Variants in TMEM8B observed in about 807,000 individuals in gnomAD.
The protein encoded by TMEM8B is nasopharyngeal carcinoma expressed 6.
TMEM8B carries 29 observed loss-of-function variants against 49.3 expected under a neutral mutation model. The ratio of observed to expected loss-of-function variants is 0.59; its 90% CI spans 0.44 to 0.80. The LOEUF (loss-of-function observed/expected upper bound fraction) is 0.80, where lower values mean the gene tolerates loss of function less well. TMEM8B is among the 30% of genes least tolerant of loss of function. TMEM8B has a pLI of 0.00. For missense variants in TMEM8B, 575 were observed against 658.5 expected (o/e 0.87, Z 1.39); for synonymous variants, 264 against 272.8 (o/e 0.97, Z 0.32).
At chr9:35,847,884 G>A (rs1043445939) in intron 10 of TMEM8B, among the ~76,000 whole-genome samples, 2 of 152,164 alleles carry the variant, frequency 1.3e-5, no homozygotes, top group Non-Finnish European at 2.9e-5. Context: ...TAACCCCCAA[G>A]TAGACTTTTT....
At chr9:35,852,174 C>A (rs1832197971) in intron 10 of TMEM8B, among the ~76,000 whole-genome samples, 1 of 152,184 alleles carries the variant, frequency 6.6e-6, no homozygotes, top group Non-Finnish European at 1.5e-5. Context: ...TTTGAACCTC[C>A]TCAATAGTCC....
intron 10 of TMEM8B, among the ~76,000 whole-genome samples, chr9:35,849,831 G>T (rs1488202287): frequency 6.6e-6 from 1 of 152,214 alleles, no homozygotes; most frequent in Non-Finnish European, 1.5e-5. Context: ...TCAGGACAAA[G>T]ATATCAAACA....
chr9:35,839,592 G>GC, intron 3 of TMEM8B, among the ~76,000 whole-genome samples: 1 of 152,298 alleles, frequency 6.6e-6, no homozygotes, highest in African/African-American at 2.4e-5. Context: ...TGAATCAAAC[G>GC]CAAGTAAAAC....
intron 10 of TMEM8B, among the ~76,000 whole-genome samples, chr9:35,849,666 C>G (rs1446478707): frequency 1.3e-5 from 2 of 152,284 alleles, no homozygotes; most frequent in Admixed American, 1.3e-4. Flanking sequence ...AGTGAGCATG[C>G]ATTGATATGC....
chr9:35,846,080 A>T lies in TMEM8B; in HGVS notation c.1729+12A>T. The T allele has an allele frequency of 6.2e-7, 1 of 1,611,868 alleles. No homozygotes were observed. The highest frequency in any genetic ancestry group is 8.5e-7 in the Non-Finnish European group (1 of 1,179,496). On this transcript the variant is annotated intron_variant, in intron 7 of 12. Coordinates refer to ENST00000643932, the MANE Select transcript of TMEM8B (RefSeq NM_001042590.4). ...GACCTGTTCCAAAGGTGAGGTGAGG[A>T]ATGGGGGAGGAGAGGAAGCTGCAGT...
Position 35,842,737 on chromosome 9 carries a change from G to A in TMEM8B, c.1635+20G>A, listed in dbSNP as rs974958313. On this transcript the variant is annotated intron_variant, in intron 6 of 12. Transcript: ENST00000643932. This position sits in a 1 kb window ranked among gnomAD's most constrained non-coding sequence, Gnocchi z 5.6. Reference sequence around the variant, plus strand: ...AATGCGGTACTCTTTATGGAGAGTGGGGAGGTTGCTCTGCCAGGGAGCTTG... The same window carrying A: ...AATGCGGTACTCTTTATGGAGAGTGAGGAGGTTGCTCTGCCAGGGAGCTTG... 1.3e-5 allele frequency: 21 copies of A among 1,589,434 alleles called. No homozygotes were observed. In the East Asian group the frequency reaches 4.5e-4, roughly 34 times the overall value.
In TMEM8B at chr9:35,863,798, GC is replaced by G. The variant is rs1220548108; in HGVS notation, c.*9961del. On this transcript the variant is annotated 3_prime_UTR_variant, in exon 13 of 13. Coordinates refer to ENST00000643932, the MANE Select transcript of TMEM8B (RefSeq NM_001042590.4). ...TGTCATATCTGCACACAGCCCACTG[GC>G]CCTGCGGCATCCTACCACCTGCCCA... 2 of 152,284 alleles carry G rather than the reference GC, an allele frequency of 1.3e-5. No individual in the cohort carries two copies. Among genetic ancestry groups the G allele is most frequent in the Non-Finnish European group, 2.9e-5 (2 of 68,106 alleles). The allele number at this position is 152,284 out of a possible 1,614,324, so 9.4% of individuals were successfully genotyped here.
rs180725995 is a variant in TMEM8B at position 35,841,101 on chromosome 9, C to T, written c.907-33C>T. On this transcript the variant is annotated intron_variant, in intron 3 of 12. Coordinates refer to ENST00000643932, the MANE Select transcript of TMEM8B (RefSeq NM_001042590.4). This position sits in a 1 kb window ranked among gnomAD's most constrained non-coding sequence, Gnocchi z 5.9. Reference sequence around the variant, plus strand: ...TGGTTTAGTCACACCCCTGCTGTCTCTCCCTCTCCTGCCACCCCTGCTTTT... The same window carrying T: ...TGGTTTAGTCACACCCCTGCTGTCTTTCCCTCTCCTGCCACCCCTGCTTTT... 4.8e-6 allele frequency: 2 copies of T among 415,510 alleles called. No homozygotes were observed. Among genetic ancestry groups the T allele is most frequent in the East Asian group, 7.1e-5 (2 of 28,080 alleles). 25.7% of individuals were successfully genotyped at this position (415,510 alleles called of 1,614,324 possible). A position where few individuals can be genotyped will look rare whatever the true frequency, so the allele number is the denominator to read the frequency against.
In TMEM8B at chr9:35,829,395, A is replaced by AGCTCTGCGAGCGCCCCGCGCTGGCCT; in HGVS notation, c.-51_-26dup. ...GGGGTGGGGAGCGGAGCCGCGGGCCAGCTCTGCGAGCGCCCCGCGCTGGCC... is the reference window on the plus strand; with the variant it reads ...GGGGTGGGGAGCGGAGCCGCGGGCCAGCTCTGCGAGCGCCCCGCGCTGGCCTGCTCTGCGAGCGCCCCGCGCTGGCC... On this transcript the variant is annotated 5_prime_UTR_variant, in exon 1 of 13. Coordinates refer to ENST00000643932, the MANE Select transcript of TMEM8B (RefSeq NM_001042590.4). The AGCTCTGCGAGCGCCCCGCGCTGGCCT allele has an allele frequency of 3.2e-6, 1 of 316,516 alleles. No homozygotes were observed. Among genetic ancestry groups the AGCTCTGCGAGCGCCCCGCGCTGGCCT allele is most frequent in the Non-Finnish European group, 5.6e-6 (1 of 177,804 alleles). 19.6% of individuals were successfully genotyped at this position (316,516 alleles called of 1,614,324 possible). A position where few individuals can be genotyped will look rare whatever the true frequency, so the allele number is the denominator to read the frequency against.
rs1428643224 is a variant in TMEM8B, at chr9:35,859,119, AG to A, written c.*5281del. ...GGCAGCTTTCACCTCTGCATTCCTC[AG>A]GCTGTAAATGATGGGGTTCAGCGAG... On this transcript the variant is annotated 3_prime_UTR_variant, in exon 13 of 13. Coordinates refer to ENST00000643932, the MANE Select transcript of TMEM8B (RefSeq NM_001042590.4). The A allele has an allele frequency of 6.4e-6, 1 of 155,724 alleles. No homozygotes were observed. Among genetic ancestry groups the A allele is most frequent in the African/African-American group, 2.4e-5 (1 of 41,516 alleles). The allele number at this position is 155,724 out of a possible 1,614,324, so 9.6% of individuals were successfully genotyped here.
rs575620273 is a variant in TMEM8B at position 35,861,251 on chromosome 9, C to T, written c.*7411C>T. 2.6e-5 allele frequency: 4 copies of T among 152,372 alleles called. No homozygotes were observed. The East Asian group carries it at 7.7e-4, about 29-fold the overall frequency. The allele number at this position is 152,372 out of a possible 1,614,324, so 9.4% of individuals were successfully genotyped here. Reference sequence around the variant, plus strand: ...GTTGTATCCACGATTTGTCGAGTTGCAGGGCTCACCCTTTCCTGAAGAAAC... The same window carrying T: ...GTTGTATCCACGATTTGTCGAGTTGTAGGGCTCACCCTTTCCTGAAGAAAC... On this transcript the variant is annotated 3_prime_UTR_variant, in exon 13 of 13. Coordinates refer to ENST00000643932, the MANE Select transcript of TMEM8B (RefSeq NM_001042590.4).
At chr9:35,837,754 C>T (rs1269222705) in intron 3 of TMEM8B, among the ~76,000 whole-genome samples, 1 of 152,170 alleles carries the variant, frequency 6.6e-6, no homozygotes, top group Non-Finnish European at 1.5e-5. Context: ...CACGTCCTTT[C>T]CTTGTCCCTT....
chr9:35,852,234 C>T (rs1219283107), intron 10 of TMEM8B, among the ~76,000 whole-genome samples: 3 of 152,144 alleles, frequency 2.0e-5, no homozygotes, highest in African/African-American at 7.2e-5. Context: ...ACTGTCCCCT[C>T]TCCATGTTCT....
Position 35,845,970 on chromosome 9 carries a change from C to A in TMEM8B, c.1636-5C>A, listed in dbSNP as rs374198627. 1 of 1,613,840 alleles carries A rather than the reference C, an allele frequency of 6.2e-7. No individual in the cohort carries two copies. The highest frequency in any genetic ancestry group is 1.3e-5 in the African/African-American group (1 of 74,956). The stretch of plus-strand genomic sequence containing the variant: ...CGGCCTCACTTCCATACCTGCCCTC[C>A]CCAGAGCTCCGTGCGCCAGGAAAAC... On this transcript the variant is annotated splice_polypyrimidine_tract_variant and splice_region_variant and intron_variant, in intron 6 of 12. Transcript: ENST00000643932.
chr9:35,844,718 T>C (rs953934648), intron 6 of TMEM8B, among the ~76,000 whole-genome samples: 2 of 152,240 alleles, frequency 1.3e-5, no homozygotes, highest in African/African-American at 2.4e-5. Flanking sequence ...TTACGCATAC[T>C]TGTTCTTTCT....
chr9:35,839,578 T>C (rs1297979332), intron 3 of TMEM8B, among the ~76,000 whole-genome samples: 1 of 152,202 alleles, frequency 6.6e-6, no homozygotes, highest in African/African-American at 2.4e-5. Flanking sequence ...CACTGATCTT[T>C]CATTGAATCA....
rs902770808 is a variant in TMEM8B, at chr9:35,833,371, G to T, written c.509-1090G>T. On this transcript the variant is annotated intron_variant, in intron 1 of 12. Transcript: ENST00000643932. Reference sequence around the variant, plus strand: ...CTTGGGCTTCTTTTCTGGCTGGTCCGAAGTCTCCAGAGCAGTCAGATTCCC... The same window carrying T: ...CTTGGGCTTCTTTTCTGGCTGGTCCTAAGTCTCCAGAGCAGTCAGATTCCC... The T allele has an allele frequency of 5.1e-6, 5 of 985,142 alleles. No individual in the cohort carries two copies. The Admixed American group carries it at 3.1e-4, about 61-fold the overall frequency. The allele number at this position is 985,142 out of a possible 1,614,324, so 61.0% of individuals were successfully genotyped here.
chr9:35,843,296 G>A (rs763750467), intron 6 of TMEM8B, among the ~76,000 whole-genome samples: 1 of 152,008 alleles, frequency 6.6e-6, no homozygotes, highest in African/African-American at 2.4e-5. Context: ...ACTCTCTCAC[G>A]TTTTCCCCTA....
At chr9:35,847,313 A>G (rs980624293) in intron 10 of TMEM8B, 1 of 675,760 alleles carries the variant, frequency 1.5e-6, no homozygotes, top group Middle Eastern at 3.4e-4. Flanking sequence ...GGCCTAAAGT[A>G]TGGATTTGTG....
Sources: gnomAD v4.1 joint callset for allele counts (sites outside exome capture counted in the v4.1 genomes callset) on GRCh38, gnomAD v4.1.1 for gene constraint, Gnocchi (gnomAD v3.1) non-coding constraint, MANE v1.5 for transcripts, NCBI Gene and HGNC (gene_info 2026-07-23, HGNC 2026-07-21) for gene names.